Variants in OSBP2 observed in about 807,000 individuals in gnomAD.
OSBP2 encodes the protein oxysterol binding protein 2, also known as oxysterol-binding protein 2.
OSBP2 carries 66 observed loss-of-function variants against 96.0 expected under a neutral mutation model. The observed-to-expected ratio is 0.69, with a 90% CI of 0.56 to 0.84. The LOEUF (loss-of-function observed/expected upper bound fraction) is 0.84. Among genes scored for constraint, OSBP2 ranks in the 40% least tolerant of loss-of-function variants. The pLI is 0.00. For synonymous variants in OSBP2, 525 were observed against 520.9 expected (o/e 1.01, Z -0.11); for missense variants, 1,038 against 1,222.7 (o/e 0.85, Z 2.25).
chr22:30,787,727 T>G (rs562707435), intron 2 of OSBP2, among the ~76,000 whole-genome samples: 1 of 152,222 alleles, frequency 6.6e-6, no homozygotes, highest in South Asian at 2.1e-4. Context: ...ATGATTCAGT[T>G]ACCTTCCACA....
intron 6 of OSBP2, 50 bp downstream of exon 6, chr22:30,889,284 G>A (rs200770551): frequency 3.2e-6 from 5 of 1,565,282 alleles, no homozygotes; most frequent in Non-Finnish European, 4.4e-6. Flanking sequence ...TCTGGCCTAG[G>A]GGGTGGGAGG....
chr22:30,845,574 TAAAA>T (rs776764817), intron 2 of OSBP2, among the ~76,000 whole-genome samples: 1 of 142,472 alleles, frequency 7.0e-6, no homozygotes, highest in African/African-American at 2.6e-5. Context: ...TCAATTTGTT[TAAAA>T]AAAAAAAAGT....
intron 2 of OSBP2, among the ~76,000 whole-genome samples, chr22:30,772,228 T>TCACC (rs2145791622): frequency 6.6e-6 from 1 of 152,282 alleles, no homozygotes; most frequent in Non-Finnish European, 1.5e-5. Context: ...AGTGACTGAG[T>TCACC]GGTGGGTTTT....
rs1442359813 is a variant in OSBP2 at position 30,808,223 on chromosome 22, G to A, written c.854-62206G>A. Among the ~76,000 whole-genome samples, 9 of 152,294 alleles carry A rather than the reference G, an allele frequency of 5.9e-5. No individual in the cohort carries two copies. The East Asian group carries it at 1.7e-3, about 29-fold the overall frequency. ...GTCCCCCCAAAAGATATGTTAGGCC[G>A]GGCATGGTAGCTCACACCTATATTC... On this transcript the variant is annotated intron_variant, in intron 2 of 13. Transcript: ENST00000332585.
intron 2 of OSBP2, among the ~76,000 whole-genome samples, chr22:30,866,154 T>G (rs2039331610): frequency 6.6e-6 from 1 of 152,228 alleles, no homozygotes; most frequent in Non-Finnish European, 1.5e-5. Flanking sequence ...CTTAGATGGC[T>G]TGCCTTAGAT....
intron 2 of OSBP2, among the ~76,000 whole-genome samples, chr22:30,802,790 C>G (rs1337754395): frequency 6.6e-6 from 1 of 152,224 alleles, no homozygotes; most frequent in Non-Finnish European, 1.5e-5. Flanking sequence ...AGGGAGCCTC[C>G]TCGGGCGGTG....
chr22:30,859,999 A>T (rs1022387689), intron 2 of OSBP2, among the ~76,000 whole-genome samples: 1 of 152,146 alleles, frequency 6.6e-6, no homozygotes, highest in East Asian at 1.9e-4. Flanking sequence ...GGAGCAAGGG[A>T]TGGAGCTGGA....
chr22:30,781,570 T>G (rs1569121011), intron 2 of OSBP2, among the ~76,000 whole-genome samples: 1 of 152,204 alleles, frequency 6.6e-6, no homozygotes, highest in Non-Finnish European at 1.5e-5. Context: ...GATATACCTC[T>G]GCTTCCTGCA....
At chr22:30,709,909 G>A (rs2145683585) in intron 1 of OSBP2, among the ~76,000 whole-genome samples, 1 of 149,646 alleles carries the variant, frequency 6.7e-6, no homozygotes, top group Middle Eastern at 3.5e-3. Context: ...CTGAAATGGA[G>A]TCTTGCTTTG....
chr22:30,722,658 TC>T, intron 1 of OSBP2, among the ~76,000 whole-genome samples: 1 of 151,778 alleles, frequency 6.6e-6, no homozygotes, highest in African/African-American at 2.4e-5. Flanking sequence ...TCTCCTTCCT[TC>T]CCTCTCTTTT....
chr22:30,877,633 G>T (rs1480812364), intron 3 of OSBP2, among the ~76,000 whole-genome samples: 23 of 152,210 alleles, frequency 1.5e-4, no homozygotes, highest in Admixed American at 1.5e-3. Flanking sequence ...GCAAGGCTGG[G>T]GCGTGCTCTC....
At chr22:30,840,131 G>A (rs1160974933) in intron 2 of OSBP2, among the ~76,000 whole-genome samples, 1 of 146,508 alleles carries the variant, frequency 6.8e-6, no homozygotes, top group African/African-American at 2.5e-5. Flanking sequence ...AGTGGGTGCA[G>A]TGCACCAACA....
intron 2 of OSBP2, among the ~76,000 whole-genome samples, chr22:30,765,895 C>G (rs560204678): frequency 3.7e-4 from 57 of 152,286 alleles, no homozygotes; most frequent in African/African-American, 1.3e-3. Flanking sequence ...ATGGTTCTCA[C>G]CCCAACTGAG....
chr22:30,889,154 T>C, intron 5 of OSBP2, 23 bp from the exon 6 acceptor site: 1 of 1,609,704 alleles, frequency 6.2e-7, no homozygotes. Context: ...ATTAGTAACT[T>C]GCCTCCCGCT....
chr22:30,886,866 C>T (rs781780064), intron 3 of OSBP2, among the ~76,000 whole-genome samples: 1 of 152,058 alleles, frequency 6.6e-6, no homozygotes, highest in Non-Finnish European at 1.5e-5. Flanking sequence ...CCAGACCCCA[C>T]GAGAGGGTTC....
chr22:30,893,183 G>C lies in OSBP2; in HGVS notation c.1931G>C (p.Trp644Ser). ...YVFSKHGWSL[W>S]QEITISSKFR... Reference sequence around the variant, plus strand: ...TTCTCCAAGCATGGCTGGAGCCTCTGGCAGGAGATCACCATCTCCAGCAAG... The same window carrying C: ...TTCTCCAAGCATGGCTGGAGCCTCTCGCAGGAGATCACCATCTCCAGCAAG... Residue 644 changes from tryptophan to serine, a missense_variant, in exon 9 of 14, where the codon TGG becomes TCG. By Grantham distance (177) the Trp-to-Ser change is radical. Around this residue, in one of 3 missense-constraint regions of OSBP2, gnomAD observed 737 missense variants for 913.3 expected, o/e 0.81. Transcript: ENST00000332585. 6.2e-7 allele frequency: 1 copy of C among 1,614,084 alleles called. No homozygotes were observed. Among genetic ancestry groups the C allele is most frequent in the African/African-American group, 1.3e-5 (1 of 75,044 alleles).
chr22:30,805,812 G>A (rs1569131412), intron 2 of OSBP2, among the ~76,000 whole-genome samples: 1 of 152,168 alleles, frequency 6.6e-6, no homozygotes, highest in Non-Finnish European at 1.5e-5. Context: ...TGGAGCTTGG[G>A]TAAAAGGACA....
chr22:30,828,288 GTCAC>G (rs368598855), intron 2 of OSBP2, among the ~76,000 whole-genome samples: 1 of 152,230 alleles, frequency 6.6e-6, no homozygotes, highest in Non-Finnish European at 1.5e-5. Flanking sequence ...GTGTCTGTCA[GTCAC>G]TCACTCTGTC....
rs779498923 is a variant in OSBP2 at position 30,870,600 on chromosome 22, T to A, written c.1025T>A (p.Ile342Asn). The A allele has an allele frequency of 2.4e-5, 39 of 1,613,790 alleles. No individual in the cohort carries two copies. The East Asian group carries it at 8.3e-4, about 34-fold the overall frequency. Residue 342 changes from isoleucine to asparagine, a missense_variant, in exon 3 of 14, where the codon ATC (isoleucine) becomes AAC (asparagine). Around this residue, in one of 3 missense-constraint regions of OSBP2, gnomAD observed 737 missense variants for 913.3 expected, o/e 0.81. Transcript: ENST00000332585. This position sits in a 1 kb window ranked among gnomAD's most constrained non-coding sequence, Gnocchi z 4.1. ...RSLTELDGLK[I>N]PSESGEKLKV... is the part of the protein sequence containing the mutation. ...CTGACAGAGCTGGACGGCCTCAAGA[T>A]CCCATCTGAGAGTGGGGAGAAGCTG...
Sources: gnomAD v4.1 joint callset for allele counts (sites outside exome capture counted in the v4.1 genomes callset) on GRCh38, gnomAD v4.1.1 for gene constraint, gnomAD v4.1.1 regional missense constraint, Gnocchi (gnomAD v3.1) non-coding constraint, MANE v1.5 for transcripts, NCBI Gene and HGNC (gene_info 2026-07-23, HGNC 2026-07-21) for gene names.